AMPH: variants seen among roughly 807,000 people sequenced by gnomAD.
AMPH encodes amphiphysin, also known as amphiphysin (Stiff-Mann syndrome with breast cancer 128kD autoantigen).
A neutral mutation model predicts 99.1 loss-of-function variants in AMPH; 49 were observed. The ratio of observed to expected loss-of-function variants is 0.49; its 90% confidence interval spans 0.39 to 0.63. AMPH has a LOEUF of 0.63. Ranked by LOEUF, AMPH falls within the 20% of genes least tolerant of loss-of-function variation. AMPH has a pLI of 0.00. For missense variants in AMPH, 759 were observed against 863.4 expected (o/e 0.88, Z 1.52); for synonymous variants, 314 against 317.3 (o/e 0.99, Z 0.11).
chr7:38,424,172 A>T (rs1442013866), intron 15 of AMPH, among the ~76,000 whole-genome samples: 2 of 152,222 alleles, frequency 1.3e-5, no homozygotes. Flanking sequence ...AGAAAAGATA[A>T]GCCAGAAAGT....
intron 5 of AMPH, among the ~76,000 whole-genome samples, chr7:38,487,733 G>C (rs1395219223): frequency 6.6e-6 from 1 of 152,030 alleles, no homozygotes; most frequent in Non-Finnish European, 1.5e-5. Context: ...AGAGTAAACA[G>C]ACAACCTACA....
chr7:38,461,043 A>G (rs1009177428), intron 11 of AMPH, among the ~76,000 whole-genome samples: 6 of 152,196 alleles, frequency 3.9e-5, no homozygotes, highest in African/African-American at 9.7e-5. Flanking sequence ...ACACTTTTCA[A>G]TATTTTTCCA....
chr7:38,629,101 A>G (rs1785971910), intron 1 of AMPH, among the ~76,000 whole-genome samples: 1 of 152,200 alleles, frequency 6.6e-6, no homozygotes, highest in African/African-American at 2.4e-5. Flanking sequence ...AAGAGGCCAA[A>G]GGTGTAGAAA....
chr7:38,571,970 A>G (rs1374054395), intron 1 of AMPH, among the ~76,000 whole-genome samples: 1 of 151,610 alleles, frequency 6.6e-6, no homozygotes, highest in Admixed American at 6.6e-5. Flanking sequence ...CAATGGCACA[A>G]TCTCAGCTCA....
chr7:38,405,757 T>C (rs1784967331), intron 17 of AMPH, among the ~76,000 whole-genome samples: 3 of 152,122 alleles, frequency 2.0e-5, no homozygotes, highest in Admixed American at 2.0e-4. Context: ...GAGATAGTCA[T>C]CACTACAATA....
At chr7:38,538,608 C>T (rs1790697817) in intron 1 of AMPH, among the ~76,000 whole-genome samples, 2 of 152,222 alleles carry the variant, frequency 1.3e-5, no homozygotes, top group Admixed American at 1.3e-4. Context: ...ATGTTAGGGA[C>T]AGATTAGAAG....
intron 1 of AMPH, among the ~76,000 whole-genome samples, chr7:38,581,788 C>T (rs1792475803): frequency 6.6e-6 from 1 of 151,946 alleles, no homozygotes; most frequent in African/African-American, 2.4e-5. Flanking sequence ...GGCTGATGGA[C>T]GAGATGAGAA....
chr7:38,394,428 A>G (rs77424468), intron 17 of AMPH, among the ~76,000 whole-genome samples: 8,842 of 152,286 alleles, frequency 0.058, 359 homozygotes, highest in East Asian at 0.19. Context: ...TACACTCCTC[A>G]GCTTTCCCTG....
At chr7:38,570,311 A>T (rs935915158) in intron 1 of AMPH, among the ~76,000 whole-genome samples, 6 of 152,216 alleles carry the variant, frequency 3.9e-5, no homozygotes, top group Admixed American at 1.3e-4. Context: ...ACATATGATC[A>T]TCCAGAAACC....
chr7:38,557,268 G>A (rs1269738015), intron 1 of AMPH, among the ~76,000 whole-genome samples: 1 of 152,196 alleles, frequency 6.6e-6, no homozygotes, highest in Non-Finnish European at 1.5e-5. Flanking sequence ...ACAGCCATGG[G>A]TATAGTAGTT....
chr7:38,586,199 A>G (rs763602824), intron 1 of AMPH, among the ~76,000 whole-genome samples: 3 of 152,200 alleles, frequency 2.0e-5, no homozygotes, highest in Non-Finnish European at 2.9e-5. Context: ...GAAATTTTCC[A>G]ACGAACACGT....
chr7:38,407,021 CCTCT>C (rs71558121), intron 17 of AMPH, among the ~76,000 whole-genome samples: 1 of 3,712 alleles, frequency 2.7e-4, no homozygotes, highest in African/African-American at 8.2e-4. Context: ...CTAATAGACT[CCTCT>C]CTCTCTCTCT....
At chr7:38,564,540 C>A (rs1791661118) in intron 1 of AMPH, among the ~76,000 whole-genome samples, 2 of 152,206 alleles carry the variant, frequency 1.3e-5, no homozygotes, top group African/African-American at 4.8e-5. Context: ...CCATGGGGAA[C>A]AAGCCATGCC....
chr7:38,552,413 A>T (rs77477036), intron 1 of AMPH, among the ~76,000 whole-genome samples: 1 of 152,190 alleles, frequency 6.6e-6, no homozygotes, highest in African/African-American at 2.4e-5. Flanking sequence ...TGCATATTCC[A>T]TAGGAGTAAT....
intron 11 of AMPH, among the ~76,000 whole-genome samples, chr7:38,450,611 A>G (rs1786972213): frequency 6.6e-6 from 1 of 152,130 alleles, no homozygotes; most frequent in South Asian, 2.1e-4. Context: ...TCCTATCCAC[A>G]AAGGTGTTGT....
intron 1 of AMPH, among the ~76,000 whole-genome samples, chr7:38,568,179 C>T (rs1322434735): frequency 1.3e-5 from 2 of 152,168 alleles, no homozygotes; most frequent in South Asian, 2.1e-4. Flanking sequence ...AATTTAGGTA[C>T]ACCATTTACA....
intron 1 of AMPH, among the ~76,000 whole-genome samples, chr7:38,572,478 C>T (rs1792085101): frequency 6.6e-6 from 1 of 152,150 alleles, no homozygotes; most frequent in Non-Finnish European, 1.5e-5. Flanking sequence ...ATCATTATGC[C>T]ACACACGACT....
At chr7:38,626,153 CT>C (rs1794233264) in intron 1 of AMPH, among the ~76,000 whole-genome samples, 1 of 152,022 alleles carries the variant, frequency 6.6e-6, no homozygotes, top group Admixed American at 6.6e-5. Flanking sequence ...TGTTATTTTT[CT>C]TTCTTTTTTT....
intron 17 of AMPH, among the ~76,000 whole-genome samples, chr7:38,400,113 T>A (rs915198378): frequency 6.6e-6 from 1 of 152,186 alleles, no homozygotes. Context: ...CTCACTCTTG[T>A]TGCCCAGGCT....
Sources: gnomAD v4.1 joint callset for allele counts (sites outside exome capture counted in the v4.1 genomes callset) on GRCh38, gnomAD v4.1.1 for gene constraint, MANE v1.5 for transcripts, NCBI Gene and HGNC (gene_info 2026-07-23, HGNC 2026-07-21) for gene names.